NTRK3: variants seen among roughly 807,000 people sequenced by gnomAD.
NTRK3 encodes the protein neurotrophic receptor tyrosine kinase 3.
NTRK3 carries 24 observed loss-of-function variants against 91.7 expected under a neutral mutation model. The ratio of observed to expected loss-of-function variants is 0.26; its 90% CI spans 0.19 to 0.37. NTRK3 has a LOEUF of 0.37. NTRK3 is among the 10% of genes least tolerant of loss of function. The probability of loss-of-function intolerance (pLI) is 1.00; values close to 1 mark genes in which losing one functional copy is unlikely to be tolerated. For missense variants in NTRK3, 880 were observed against 1,068.9 expected, an observed-to-expected ratio of 0.82 and a Z score of 2.46; for synonymous variants, 483 against 404.0, an observed-to-expected ratio of 1.20 and a Z score of -2.34.
intron 3 of NTRK3, among the ~76,000 whole-genome samples, chr15:88,228,791 G>T (rs966426866): frequency 6.6e-6 from 1 of 152,126 alleles, no homozygotes; most frequent in Non-Finnish European, 1.5e-5. Context: ...ACCCCCAGAA[G>T]CCCCTCCAGC....
At chr15:87,983,576 A>AT (rs530091060) in intron 14 of NTRK3, among the ~76,000 whole-genome samples, 74 of 152,332 alleles carry the variant, frequency 4.9e-4, no homozygotes, top group African/African-American at 1.8e-3. Flanking sequence ...GGTGGATAGT[A>AT]TTAACTCCAC....
chr15:88,163,346 T>C (rs2044639484), intron 5 of NTRK3, among the ~76,000 whole-genome samples: 1 of 152,234 alleles, frequency 6.6e-6, no homozygotes, highest in African/African-American at 2.4e-5. Flanking sequence ...TTCAGTCTTC[T>C]CCCAGAATGC....
chr15:88,056,439 T>G (rs1257237716), intron 13 of NTRK3, among the ~76,000 whole-genome samples: 1 of 152,098 alleles, frequency 6.6e-6, no homozygotes, highest in Non-Finnish European at 1.5e-5. Flanking sequence ...ACAGTAAATA[T>G]TCTACCTATG....
chr15:88,170,294 T>C (rs16941371), intron 5 of NTRK3, among the ~76,000 whole-genome samples: 2,496 of 152,336 alleles, frequency 0.016, 56 homozygotes, highest in African/African-American at 0.057. Flanking sequence ...CAGCAACATT[T>C]TTCACAAGAT....
At chr15:87,893,780 T>C (rs1300501401) in intron 17 of NTRK3, among the ~76,000 whole-genome samples, 1 of 152,168 alleles carries the variant, frequency 6.6e-6, no homozygotes, top group Non-Finnish European at 1.5e-5. Flanking sequence ...AAGTAACCCA[T>C]ATTCCAGATA....
chr15:88,100,571 G>T (rs1196999039), intron 13 of NTRK3, among the ~76,000 whole-genome samples: 1 of 152,184 alleles, frequency 6.6e-6, no homozygotes, highest in Non-Finnish European at 1.5e-5. Flanking sequence ...GAGACATGCA[G>T]CCAGGATGTC....
At chr15:88,158,968 G>C (rs534809666) in intron 5 of NTRK3, among the ~76,000 whole-genome samples, 13 of 152,342 alleles carry the variant, frequency 8.5e-5, no homozygotes, top group African/African-American at 2.6e-4. Flanking sequence ...TAAAAGCAAA[G>C]CAAGGGATAG....
intron 5 of NTRK3, among the ~76,000 whole-genome samples, chr15:88,169,411 T>C (rs2045303092): frequency 1.3e-5 from 2 of 152,128 alleles, no homozygotes; most frequent in Admixed American, 1.3e-4. Flanking sequence ...AGGGCCCTTG[T>C]GGAGGAAGCA....
chr15:88,014,410 T>C (rs954305988), intron 14 of NTRK3, among the ~76,000 whole-genome samples: 1 of 152,226 alleles, frequency 6.6e-6, no homozygotes, highest in African/African-American at 2.4e-5. Context: ...TTTCCTCATC[T>C]ACTAAACGAA....
At chr15:87,876,974 C>T (rs2141435279) in exon 19 of NTRK3, 1 of 1,613,910 alleles carries the variant, frequency 6.2e-7, no homozygotes, top group Non-Finnish European at 8.5e-7. Context: ...TGGCCTTCCC[C>T]AAAGCATGGA....
chr15:87,890,554 A>G (rs1265391746), intron 17 of NTRK3, among the ~76,000 whole-genome samples: 1 of 144,738 alleles, frequency 6.9e-6, no homozygotes, highest in Admixed American at 7.2e-5. Flanking sequence ...GGAAAGCATT[A>G]CCAATGCTTG....
intron 14 of NTRK3, chr15:87,977,954 G>A (rs2141331067): frequency 4.3e-6 from 1 of 232,646 alleles, no homozygotes; most frequent in Admixed American, 5.6e-5. Context: ...AAACAACGGT[G>A]GGTTAAAACA....
At chr15:88,126,174 C>T (rs2053264723) in intron 13 of NTRK3, 97 bp downstream of exon 13, 3 of 913,040 alleles carry the variant, frequency 3.3e-6, no homozygotes, top group South Asian at 1.4e-5. Context: ...ACCGGAGGCC[C>T]TCTCAGAGAG....
At chr15:88,135,039 C>A in intron 10 of NTRK3, 62 bp downstream of exon 10, 1 of 1,581,818 alleles carries the variant, frequency 6.3e-7, no homozygotes, top group South Asian at 1.1e-5. Flanking sequence ...AGCTACCATG[C>A]CCCATCTCCC....
rs565836908 is a variant in NTRK3, at chr15:88,251,926, G to C, written c.248+3980C>G. ...AAGCTGTCATGGCCTCAGGTCCCAT[G>C]GAGGTGCAGAGCAGATGCCCTTGGC... On this transcript the variant is annotated intron_variant, in intron 3 of 18. Transcript: ENST00000394480. 8.5e-5 allele frequency among the ~76,000 whole-genome samples: 13 copies of C among 152,316 alleles called. No homozygotes were observed. In the South Asian group the frequency reaches 2.5e-3, roughly 29 times the overall value.
At chr15:87,874,738 A>C (rs2064904891) in exon 19 of NTRK3, 1 of 232,310 alleles carries the variant, frequency 4.3e-6, no homozygotes, top group South Asian at 1.8e-4. Flanking sequence ...TTAGCTACCC[A>C]GATCAAAGCC....
At chr15:87,887,613 C>A (rs1433911226) in intron 17 of NTRK3, among the ~76,000 whole-genome samples, 2 of 152,182 alleles carry the variant, frequency 1.3e-5, no homozygotes, top group African/African-American at 4.8e-5. Flanking sequence ...AAAATCCATG[C>A]TGATCTTCCT....
At chr15:88,029,429 C>A (rs1281794556) in intron 14 of NTRK3, among the ~76,000 whole-genome samples, 1 of 152,168 alleles carries the variant, frequency 6.6e-6, no homozygotes, top group African/African-American at 2.4e-5. Context: ...AGAGGACCAG[C>A]ATCCTAATCA....
intron 14 of NTRK3, chr15:87,977,410 C>T (rs2073819082): frequency 4.8e-6 from 1 of 207,150 alleles, no homozygotes; most frequent in Non-Finnish European, 9.9e-6. Context: ...ACACTGAACA[C>T]TCCTATAAGT....
Sources: allele counts gnomAD v4.1 joint callset (sites outside exome capture counted in the v4.1 genomes callset), GRCh38; gene constraint gnomAD v4.1.1; transcripts MANE v1.5; gene names NCBI Gene and HGNC (gene_info 2026-07-23, HGNC 2026-07-21).